Variants in NEURL3 observed in about 807,000 individuals in gnomAD.
The protein encoded by NEURL3 is E3 ubiquitin-protein ligase NEURL3.
A neutral mutation model predicts 17.6 loss-of-function variants in NEURL3; 19 were observed. That is an observed-to-expected ratio of 1.08 (90% CI 0.75 to 1.58). The LOEUF is 1.58. Among genes scored for constraint, NEURL3 ranks in the 40% most tolerant of loss-of-function variants. The pLI, the probability that NEURL3 is intolerant of heterozygous loss-of-function variation, is 0.00. For missense variants in NEURL3, 342 were observed against 379.6 expected (o/e 0.90, Z 0.82); for synonymous variants, 180 against 161.4 (o/e 1.11, Z -0.87).
At chr2:96,503,607 C>G (rs1237487694) in intron 1 of NEURL3, among the ~76,000 whole-genome samples, 1 of 152,074 alleles carries the variant, frequency 6.6e-6, no homozygotes, top group African/African-American at 2.4e-5. Flanking sequence ...AAACCCACCC[C>G]CGACCCACCA....
chr2:96,507,859 T>C (rs2065573255), upstream of NEURL3: 1 of 152,194 alleles, frequency 6.6e-6, no homozygotes, highest in South Asian at 2.1e-4. Flanking sequence ...ATTATACACG[T>C]GGGGAAACTG....
rs1347399340 is a variant in NEURL3 at position 96,498,280 on chromosome 2, C to T, written c.753G>A (p.Gln251=). 1.1e-5 allele frequency: 17 copies of T among 1,583,396 alleles called. No individual in the cohort carries two copies. The highest frequency in any genetic ancestry group is 1.4e-5 in the Non-Finnish European group (17 of 1,172,432). ...RWQIEAVAPA[Q]GPPALRVEEG... ...CCTCAACCCTCAGAGCAGGAGGGCC[C>T]TGCGCAGGGGCTACCGCCTCTATCT... The change falls in exon 4 of 4, where the codon CAG becomes CAA. Residue 251 remains glutamine (Q), a synonymous_variant. Transcript: ENST00000451794. This position sits in a 1 kb window ranked among gnomAD's most constrained non-coding sequence, Gnocchi z 4.4.
At chr2:96,503,757 GTCC>G (rs1256892888) in intron 1 of NEURL3, among the ~76,000 whole-genome samples, 1 of 152,200 alleles carries the variant, frequency 6.6e-6, no homozygotes, top group Non-Finnish European at 1.5e-5. Context: ...GCCTGCAGGG[GTCC>G]TCCCACACTT....
At chr2:96,505,522 A>C (rs1476114559), upstream of NEURL3, among the ~76,000 whole-genome samples, 1 of 152,234 alleles carries the variant, frequency 6.6e-6, no homozygotes, top group African/African-American at 2.4e-5. Context: ...AAGAGAAGGA[A>C]ACAGGAATGG....
At chr2:96,506,363 G>C (rs116592375), upstream of NEURL3, among the ~76,000 whole-genome samples, 1 of 152,158 alleles carries the variant, frequency 6.6e-6, no homozygotes, top group African/African-American at 2.4e-5. Context: ...ATTCCACCAT[G>C]CTCAGCTAAT....
chr2:96,500,583 G>C lies in NEURL3; in HGVS notation c.370C>G (p.Arg124Gly), dbSNP rs2065493964. 6.5e-7 allele frequency: 1 copy of C among 1,537,084 alleles called. No homozygotes were observed. Among genetic ancestry groups the C allele is most frequent in the Non-Finnish European group, 8.7e-7 (1 of 1,148,876 alleles). ...CAGCCGCGGCGGTCCACCCAGAAGC[G>C]GACCAAGTCCCCAGTGAGCGCGCAG... ...EGCALTGDLV[R>G]FWVDRRGCLF... The change falls in exon 2 of 4, where the codon CGC (arginine) becomes GGC (glycine). Residue 124 changes from arginine (R) to glycine (G), a missense_variant. Transcript: ENST00000451794.
rs377551061 is a variant in NEURL3 at position 96,499,797 on chromosome 2, A to G, written c.515-348T>C. Among the ~76,000 whole-genome samples the G allele has an allele frequency of 1.6e-4, 25 of 152,300 alleles. 1 individual carries two copies. Among genetic ancestry groups the G allele is most frequent in the African/African-American group, 5.8e-4 (24 of 41,554 alleles). ...CAAGAGCCTGGACAAACACAGGTTC[A>G]GGGCTCCACTCCAGACCCAGCAAAT... On this transcript the variant is annotated intron_variant, in intron 2 of 3. Coordinates refer to ENST00000451794, the MANE Select transcript of NEURL3 (RefSeq NM_001285485.2).
rs893334989 is a variant in NEURL3, at chr2:96,499,408, G to A, written c.556C>T (p.Leu186Phe). ...SRLPTPMPWD[L>F]SNKAVPEPKA... The stretch of plus-strand genomic sequence containing the variant: ...GGCTCAGGCACAGCCTTGTTGCTGA[G>A]GTCCCATGGCATGGGTGTTGGGAGC... The change falls in exon 3 of 4, where the codon CTC becomes TTC. Residue 186 changes from leucine (L) to phenylalanine (F), a missense_variant. Leu to Phe is a conservative substitution (Grantham distance 22). Coordinates refer to ENST00000451794, the MANE Select transcript of NEURL3 (RefSeq NM_001285485.2). The A allele has an allele frequency of 8.8e-6, 14 of 1,599,432 alleles. No homozygotes were observed. Among genetic ancestry groups the A allele is most frequent in the Non-Finnish European group, 1.2e-5 (14 of 1,179,808 alleles).
chr2:96,500,339 C>G, intron 2 of NEURL3, 100 bp downstream of exon 2: 3 of 1,516,138 alleles, frequency 2.0e-6, no homozygotes, highest in Non-Finnish European at 1.8e-6. Flanking sequence ...GATGGAATAA[C>G]TGAATGTGAA....
At chr2:96,500,220 T>A (rs923426128) in intron 2 of NEURL3, 6 of 603,622 alleles carry the variant, frequency 9.9e-6, no homozygotes, top group Admixed American at 9.1e-5. Flanking sequence ...TGAGTGCTGG[T>A]CCTATCTGCT....
At chr2:96,499,987 G>T (rs1006651474) in intron 2 of NEURL3, 1 of 192,252 alleles carries the variant, frequency 5.2e-6, no homozygotes, top group Non-Finnish European at 1.0e-5. Flanking sequence ...TTCTTCTGGG[G>T]TGGCTAAAGG....
At position 96,500,408 on chromosome 2, in the gene NEURL3, C is replaced by T. The variant is rs371516884; in HGVS notation, c.514+31G>A. ...GCCACTGGAGCCCCCATCTCCCCAC[C>T]TCCCCTGCGGGGTCCCCATGGTCGC... On this transcript the variant is annotated intron_variant, in intron 2 of 3. Coordinates refer to ENST00000451794, the MANE Select transcript of NEURL3 (RefSeq NM_001285485.2). The T allele has an allele frequency of 7.2e-5, 115 of 1,595,746 alleles. No homozygotes were observed. In the African/African-American group the frequency reaches 1.4e-3, roughly 20 times the overall value.
chr2:96,505,823 C>A (rs1156812096), upstream of NEURL3, among the ~76,000 whole-genome samples: 4 of 152,286 alleles, frequency 2.6e-5, no homozygotes, highest in East Asian at 5.8e-4. Context: ...TTTGCTGTAT[C>A]CCAGGACCTG....
chr2:96,500,229 C>T (rs1353218187), intron 2 of NEURL3: 1 of 629,446 alleles, frequency 1.6e-6, no homozygotes, highest in Non-Finnish European at 2.7e-6. Context: ...GTCCTATCTG[C>T]TTATCATTCT....
chr2:96,498,425 G>A lies in NEURL3; in HGVS notation c.608C>T (p.Ala203Val), dbSNP rs750918552. The stretch of plus-strand genomic sequence containing the variant: ...GTTGGCAGCGTGATAGAAGCAGATG[G>A]CACACTCCTCTCCTGGTGTGGCTGG... ...EPKATPGEECAICFYHAANTR... is the reference protein window; with the variant it reads ...EPKATPGEECVICFYHAANTR... Residue 203 changes from alanine (A) to valine (V), a missense_variant, in exon 4 of 4, where the codon GCC (alanine) becomes GTC (valine). Physicochemically the swap from Ala to Val is moderately conservative, Grantham distance 64. Transcript: ENST00000451794. The surrounding 1 kb of genome is among the most constrained non-coding windows in gnomAD (Gnocchi z 4.4). The A allele has an allele frequency of 8.8e-6, 14 of 1,598,280 alleles. 1 individual carries two copies. The South Asian group carries it at 1.5e-4, about 18-fold the overall frequency.
At chr2:96,506,058 C>T (rs944302024), upstream of NEURL3, among the ~76,000 whole-genome samples, 5 of 152,176 alleles carry the variant, frequency 3.3e-5, no homozygotes, top group Non-Finnish European at 7.3e-5. Context: ...ATATTTATTT[C>T]GGTTAGGAAA....
chr2:96,499,101 T>A, intron 3 of NEURL3: 1 of 1,067,530 alleles, frequency 9.4e-7, no homozygotes, highest in South Asian at 2.7e-5. Context: ...TTATTTCCAT[T>A]GGCAAAGCAT....
At chr2:96,500,020 C>T in intron 2 of NEURL3, 1 of 205,542 alleles carries the variant, frequency 4.9e-6, no homozygotes, top group Non-Finnish European at 9.6e-6. Context: ...TTCCCCCCCA[C>T]TGACTGAGAG....
chr2:96,500,346 T>G (rs1341483138), intron 2 of NEURL3, 93 bp downstream of exon 2: 2 of 1,527,300 alleles, frequency 1.3e-6, no homozygotes, highest in Admixed American at 3.8e-5. Flanking sequence ...TAACTGAATG[T>G]GAACGTTCTT....
Sources: allele counts gnomAD v4.1 joint callset (sites outside exome capture counted in the v4.1 genomes callset), GRCh38; gene constraint gnomAD v4.1.1; non-coding constraint Gnocchi (gnomAD v3.1); transcripts MANE v1.5; gene names NCBI Gene and HGNC (gene_info 2026-07-23, HGNC 2026-07-21).